Variants in PTPRD observed in about 807,000 individuals in gnomAD.
PTPRD encodes protein tyrosine phosphatase receptor type D.
In PTPRD, 34 loss-of-function variants were observed where a neutral mutation model predicts 214.5. The observed-to-expected ratio is 0.16, with a 90% CI of 0.12 to 0.21. The LOEUF (loss-of-function observed/expected upper bound fraction) is 0.21. Among genes scored for constraint, PTPRD ranks in the 10% least tolerant of loss-of-function variants. The pLI, the probability that PTPRD is intolerant of heterozygous loss-of-function variation, is 1.00. For synonymous variants in PTPRD, 1,128 were observed against 845.7 expected, an observed-to-expected ratio of 1.33 and a Z score of -5.79; for missense variants, 2,545 against 2,398.7, an observed-to-expected ratio of 1.06 and a Z score of -1.27.
intron 9 of PTPRD, among the ~76,000 whole-genome samples, chr9:9,211,944 T>C (rs1303041962): frequency 2.0e-5 from 3 of 152,168 alleles, no homozygotes; most frequent in Non-Finnish European, 4.4e-5. Context: ...ATCTGCACTC[T>C]TTTTAGTGAT....
At chr9:9,992,195 T>C (rs1203435079) in intron 4 of PTPRD, among the ~76,000 whole-genome samples, 1 of 152,150 alleles carries the variant, frequency 6.6e-6, no homozygotes, top group African/African-American at 2.4e-5. Flanking sequence ...GTGAATATAC[T>C]GAAAACCACT....
chr9:8,890,422 C>G (rs2098529010), intron 11 of PTPRD, among the ~76,000 whole-genome samples: 1 of 152,182 alleles, frequency 6.6e-6, no homozygotes, highest in Non-Finnish European at 1.5e-5. Context: ...ATCTTGTCAC[C>G]TCTCATAAAT....
chr9:10,127,758 T>G (rs2098830646), intron 3 of PTPRD, among the ~76,000 whole-genome samples: 1 of 152,172 alleles, frequency 6.6e-6, no homozygotes, highest in African/African-American at 2.4e-5. Context: ...TTTTCTCATC[T>G]CTAAACTACT....
chr9:10,466,741 A>C (rs2098997164), intron 2 of PTPRD, among the ~76,000 whole-genome samples: 1 of 152,132 alleles, frequency 6.6e-6, no homozygotes, highest in Non-Finnish European at 1.5e-5. Context: ...TGAAAACTTC[A>C]CATAAAGTTT....
chr9:10,015,459 G>C (rs953748310), intron 4 of PTPRD, among the ~76,000 whole-genome samples: 1 of 152,064 alleles, frequency 6.6e-6, no homozygotes, highest in Non-Finnish European at 1.5e-5. Context: ...GAAACCCTTT[G>C]GGAACAATTA....
intron 3 of PTPRD, among the ~76,000 whole-genome samples, chr9:10,233,240 G>A (rs558019338): frequency 3.6e-4 from 55 of 152,074 alleles, no homozygotes; most frequent in African/African-American, 1.3e-3. Context: ...GTCTAAGAAG[G>A]AAAGTGAGGG....
intron 6 of PTPRD, among the ~76,000 whole-genome samples, chr9:9,747,380 C>T (rs193297068): frequency 1.8e-4 from 28 of 152,212 alleles, no homozygotes; most frequent in Admixed American, 1.6e-3. Context: ...TCGTGCAGCA[C>T]AGAACTTTAT....
In PTPRD at chr9:8,315,670, T is replaced by C; in HGVS notation, c.*2204A>G. On this transcript the variant is annotated 3_prime_UTR_variant, in exon 46 of 46. Coordinates refer to ENST00000381196, the MANE Select transcript of PTPRD (RefSeq NM_002839.4). ...CTTTTTTTTCTTTTTCTTTGTTTTT[T>C]ACAAAAGTGCTCAAATACAATGCTT... The C allele has an allele frequency of 4.4e-6, 1 of 228,526 alleles. No homozygotes were observed. Among genetic ancestry groups the C allele is most frequent in the East Asian group, 6.2e-5 (1 of 16,042 alleles). 14.2% of individuals were successfully genotyped at this position (228,526 alleles called of 1,614,324 possible).
At chr9:9,020,414 G>A (rs1395870038) in intron 10 of PTPRD, among the ~76,000 whole-genome samples, 1 of 152,100 alleles carries the variant, frequency 6.6e-6, no homozygotes. Flanking sequence ...AAGAAAGCTT[G>A]GACCACCATA....
intron 11 of PTPRD, among the ~76,000 whole-genome samples, chr9:8,799,780 C>T (rs917810274): frequency 2.0e-5 from 3 of 152,032 alleles, no homozygotes; most frequent in Admixed American, 2.0e-4. Context: ...ATTTACTCTA[C>T]CAATGCTCCA....
chr9:10,238,610 A>G (rs1052371252), intron 3 of PTPRD, among the ~76,000 whole-genome samples: 5 of 151,930 alleles, frequency 3.3e-5, no homozygotes, highest in African/African-American at 1.2e-4. Flanking sequence ...TTAAATGTAT[A>G]CAATTTCATC....
At chr9:10,391,983 G>A (rs569357232) in intron 2 of PTPRD, among the ~76,000 whole-genome samples, 6 of 151,654 alleles carry the variant, frequency 4.0e-5, no homozygotes, top group Admixed American at 1.3e-4. Context: ...TCACCTGTTG[G>A]CAAAACCTTC....
chr9:9,582,341 G>C (rs2091013314), intron 7 of PTPRD, among the ~76,000 whole-genome samples: 1 of 139,252 alleles, frequency 7.2e-6, no homozygotes, highest in Admixed American at 7.0e-5. Flanking sequence ...AAAATTTCTG[G>C]TTAGAATGCA....
chr9:9,675,782 C>A (rs2096917231), intron 7 of PTPRD, among the ~76,000 whole-genome samples: 1 of 152,060 alleles, frequency 6.6e-6, no homozygotes, highest in Admixed American at 6.6e-5. Context: ...TTAAAAGCGT[C>A]CCAATTCATT....
chr9:10,319,615 AT>A (rs996823630), intron 3 of PTPRD, among the ~76,000 whole-genome samples: 2 of 151,970 alleles, frequency 1.3e-5, no homozygotes, highest in African/African-American at 4.8e-5. Flanking sequence ...TTTTCACCAC[AT>A]TTTTTTAAAT....
At chr9:9,935,579 A>T (rs1415203076) in intron 5 of PTPRD, among the ~76,000 whole-genome samples, 1 of 151,850 alleles carries the variant, frequency 6.6e-6, no homozygotes, top group Non-Finnish European at 1.5e-5. Flanking sequence ...ATAAAAGAGG[A>T]TACAAACAAA....
intron 9 of PTPRD, among the ~76,000 whole-genome samples, chr9:9,302,372 C>G (rs35311963): frequency 0.087 from 13,227 of 151,820 alleles, 575 homozygotes; most frequent in Middle Eastern, 0.18. Context: ...ATAGGCAGCT[C>G]TCTTTGATAA....
At position 9,192,115 on chromosome 9, in the gene PTPRD, A is replaced by G. The variant is rs538167940; in HGVS notation, c.-202-8752T>C. Among the ~76,000 whole-genome samples the G allele has an allele frequency of 4.1e-4, 63 of 152,206 alleles. 2 individuals are homozygous for G. The South Asian group carries it at 8.9e-3, about 22-fold the overall frequency. On this transcript the variant is annotated intron_variant, in intron 9 of 45. Coordinates refer to ENST00000381196, the MANE Select transcript of PTPRD (RefSeq NM_002839.4). ...TATTTTGAGTCATCTGAATCTAAAA[A>G]TGAGAGCATGACACCTACACTTTTC...
intron 8 of PTPRD, among the ~76,000 whole-genome samples, chr9:9,429,220 T>A (rs917227041): frequency 6.6e-6 from 1 of 152,070 alleles, no homozygotes; most frequent in Admixed American, 6.6e-5. Flanking sequence ...AAAGGGGATA[T>A]CACCACTGAT....
Sources: allele counts gnomAD v4.1 joint callset (sites outside exome capture counted in the v4.1 genomes callset), GRCh38; gene constraint gnomAD v4.1.1; transcripts MANE v1.5; gene names NCBI Gene and HGNC (gene_info 2026-07-23, HGNC 2026-07-21).